Variants in TARM1 observed in about 807,000 individuals in gnomAD.
TARM1 encodes T-cell-interacting, activating receptor on myeloid cells protein 1.
Under a neutral mutation model 30.4 loss-of-function variants are expected in TARM1, and 24 were observed. The ratio of observed to expected loss-of-function variants is 0.79; its 90% confidence interval spans 0.57 to 1.11. TARM1 has a LOEUF of 1.11. Among genes scored for constraint, TARM1 ranks in the 50% least tolerant of loss-of-function variants. The pLI is 0.00. For synonymous variants in TARM1, 129 were observed against 138.9 expected, an observed-to-expected ratio of 0.93 and a Z score of 0.50; for missense variants, 323 against 332.8, an observed-to-expected ratio of 0.97 and a Z score of 0.23.
chr19:54,073,477 GTTGTTT>G (rs2071863773), intron 4 of TARM1, among the ~76,000 whole-genome samples: 2 of 146,776 alleles, frequency 1.4e-5, no homozygotes, highest in Non-Finnish European at 3.0e-5. Flanking sequence ...TTGTTGTTTT[GTTGTTT>G]TTGTTTTTGT....
chr19:54,073,667 AT>A (rs2071868895), intron 4 of TARM1, among the ~76,000 whole-genome samples: 1 of 151,462 alleles, frequency 6.6e-6, no homozygotes, highest in African/African-American at 2.4e-5. Context: ...CTAATTTTTT[AT>A]TTTTAGTAGA....
At chr19:54,074,274 C>T in intron 3 of TARM1, 58 bp from the exon 4 acceptor site, 1 of 1,469,824 alleles carries the variant, frequency 6.8e-7, no homozygotes. Flanking sequence ...CCCCACTCAC[C>T]CCTGTTCTCC....
rs2072078786 is a variant in TARM1, at chr19:54,080,145, AAGCAAGCAAGCAAGCAAGCAAGCAAGC to A, written c.34+1135_34+1161del. Reference sequence around the variant, plus strand: ...GAAGGAAGGAAGGAAGGAAGAAAGCAAGCAAGCAAGCAAGCAAGCAAGCAAGCAAGCAAGCAAGCAAGCAAGCAGGCA... The same window carrying A: ...GAAGGAAGGAAGGAAGGAAGAAAGCAAAGCAAGCAAGCAAGCAAGCAGGCA... On this transcript the variant is annotated intron_variant, in intron 1 of 4. Transcript: ENST00000432826. 1.6e-4 allele frequency among the ~76,000 whole-genome samples: 14 copies of A among 89,560 alleles called. 2 individuals carry two copies. Among genetic ancestry groups the A allele is most frequent in the African/African-American group, 3.8e-4 (10 of 26,552 alleles). 58.8% of individuals were successfully genotyped at this position (89,560 alleles called of 152,430 possible). A position where few individuals can be genotyped will look rare whatever the true frequency, so the allele number is the denominator to read the frequency against.
chr19:54,070,076 C>G lies in TARM1; in HGVS notation c.743G>C (p.Gly248Ala). The G allele has an allele frequency of 1.3e-6, 2 of 1,551,542 alleles. No individual in the cohort carries two copies. The highest frequency in any genetic ancestry group is 1.7e-6 in the Non-Finnish European group (2 of 1,146,980). The change falls in exon 5 of 5, where the codon GGA becomes GCA. Residue 248 changes from glycine (G) to alanine (A), a missense_variant. By Grantham distance (60) the Gly-to-Ala change is moderately conservative. Transcript: ENST00000432826. ...GTACCAGGCCTCCACCAGGAAAGCT[C>G]CCATGATAACCACAATTACGGCAGC... is the stretch of plus-strand genomic sequence containing the variant. Reference protein sequence around the residue: ...GLAAVIVVIMGAFLVEAWYSR... With the variant: ...GLAAVIVVIMAAFLVEAWYSR...
In TARM1 at chr19:54,070,017, A is replaced by G; in HGVS notation, c.802T>C (p.Phe268Leu). Reference sequence around the variant, plus strand: ...TCAAGATGGAGTCACTCTGGTTTGAAGGCCTCTGATTCACCTGGAGACACA... The same window carrying G: ...TCAAGATGGAGTCACTCTGGTTTGAGGGCCTCTGATTCACCTGGAGACACA... ...RNVSPGESEA[F>L]KPE The change falls in exon 5 of 5, where the codon TTC (phenylalanine) becomes CTC (leucine). Residue 268 changes from phenylalanine to leucine, a missense_variant. Coordinates refer to ENST00000432826, the MANE Select transcript of TARM1 (RefSeq NM_001135686.3). The G allele has an allele frequency of 6.4e-7, 1 of 1,551,464 alleles. No individual in the cohort carries two copies. The highest frequency in any genetic ancestry group is 8.7e-7 in the Non-Finnish European group (1 of 1,146,880).
At chr19:54,070,486 C>G (rs1291368984) in intron 4 of TARM1, among the ~76,000 whole-genome samples, 1 of 151,396 alleles carries the variant, frequency 6.6e-6, no homozygotes, top group Admixed American at 6.6e-5. Flanking sequence ...TCTTGAACTC[C>G]CGACCTCAGG....
At chr19:54,079,742 C>T (rs2072049148) in intron 1 of TARM1, among the ~76,000 whole-genome samples, 2 of 152,150 alleles carry the variant, frequency 1.3e-5, no homozygotes, top group Non-Finnish European at 2.9e-5. Flanking sequence ...AATCCCAGCA[C>T]TTTGGGAGGC....
In TARM1 at chr19:54,074,923, T is replaced by C. The variant is rs1313327932; in HGVS notation, c.262A>G (p.Lys88Glu). The C allele has an allele frequency of 6.4e-7, 1 of 1,551,552 alleles. No individual in the cohort carries two copies. Among genetic ancestry groups the C allele is most frequent in the African/African-American group, 1.4e-5 (1 of 73,114 alleles). ...GAAEFHLNNL[K>E]VRNAGEYTCE... The stretch of plus-strand genomic sequence containing the variant: ...GTGTACTCTCCAGCATTTCTGACTT[T>C]TAGATTATTGAGGTGAAATTCGGCC... The change falls in exon 3 of 5, where the codon AAA becomes GAA. Residue 88 changes from lysine (K) to glutamate (E), a missense_variant. Physicochemically the swap from Lys to Glu is moderately conservative, Grantham distance 56. Coordinates refer to ENST00000432826, the MANE Select transcript of TARM1 (RefSeq NM_001135686.3).
At position 54,075,802 on chromosome 19, in the gene TARM1, GA is replaced by G. The variant is rs112452835; in HGVS notation, c.70+80del. 4,791 of 1,464,534 alleles carry G rather than the reference GA, an allele frequency of 3.3e-3. 113 individuals are homozygous for G. In the African/African-American group the frequency reaches 0.056, roughly 17 times the overall value. The allele number at this position is 1,464,534 out of a possible 1,614,324, so 90.7% of individuals were successfully genotyped here. A position where few individuals can be genotyped will look rare whatever the true frequency, so the allele number is the denominator to read the frequency against. On this transcript the variant is annotated intron_variant, in intron 2 of 4. Transcript: ENST00000432826. Reference sequence around the variant, plus strand: ...GTGAGACTCCGTCAAAAAAAAAAGAGAAAAAGAGGGGGAAGGGGAAGAGAAC... The same window carrying G: ...GTGAGACTCCGTCAAAAAAAAAAGAGAAAAGAGGGGGAAGGGGAAGAGAAC...
intron 1 of TARM1, 25 bp from the exon 2 acceptor site, chr19:54,075,943 A>C: frequency 6.4e-7 from 1 of 1,550,900 alleles, no homozygotes; most frequent in Non-Finnish European, 8.7e-7. Flanking sequence ...TCCGTGAGCC[A>C]GAAGCCCCTA....
intron 4 of TARM1, among the ~76,000 whole-genome samples, chr19:54,073,624 G>A (rs1378744150): frequency 6.6e-6 from 1 of 151,620 alleles, no homozygotes; most frequent in Non-Finnish European, 1.5e-5. Context: ...CTCCCAAGTA[G>A]CTGGGTCTAC....
At chr19:54,077,665 A>C (rs2071990135) in intron 1 of TARM1, among the ~76,000 whole-genome samples, 1 of 151,930 alleles carries the variant, frequency 6.6e-6, no homozygotes, top group African/African-American at 2.4e-5. Context: ...AAACAACGTA[A>C]GTGTCCATCC....
intron 1 of TARM1, among the ~76,000 whole-genome samples, chr19:54,080,092 A>AGG (rs1568511431): frequency 1.2e-4 from 7 of 58,510 alleles, no homozygotes; most frequent in African/African-American, 7.3e-4. Flanking sequence ...AAAGAGAAAG[A>AGG]AAGGAAGGAA....
chr19:54,074,845 C>A lies in TARM1; in HGVS notation c.340G>T (p.Val114Phe). The stretch of plus-strand genomic sequence containing the variant: ...GTACCTGTCACCAACAGTAGAAGGA[C>A]GTCACTGTGCTGTGAAAGGATGTGG... ...SPHILSQHSD[V>F]LLLLVTGHLS... The change falls in exon 3 of 5, where the codon GTC (valine) becomes TTC (phenylalanine). Residue 114 changes from valine to phenylalanine, a missense_variant. Val to Phe is a conservative substitution (Grantham distance 50). Transcript: ENST00000432826. 3 of 1,551,530 alleles carry A rather than the reference C, an allele frequency of 1.9e-6. No individual in the cohort carries two copies. The highest frequency in any genetic ancestry group is 1.4e-5 in the African/African-American group (1 of 73,142).
At position 54,080,150 on chromosome 19, in the gene TARM1, A is replaced by G. The variant is rs1271236394; in HGVS notation, c.34+1157T>C. Among the ~76,000 whole-genome samples the G allele has an allele frequency of 8.5e-5, 9 of 105,436 alleles. 4 individuals are homozygous for G. In the East Asian group the frequency reaches 1.0e-3, roughly 12 times the overall value. 69.2% of individuals were successfully genotyped at this position (105,436 alleles called of 152,430 possible). On this transcript the variant is annotated intron_variant, in intron 1 of 4. Coordinates refer to ENST00000432826, the MANE Select transcript of TARM1 (RefSeq NM_001135686.3). ...AAGGAAGGAAGGAAGAAAGCAAGCA[A>G]GCAAGCAAGCAAGCAAGCAAGCAAG... is the stretch of plus-strand genomic sequence containing the variant.
intron 1 of TARM1, among the ~76,000 whole-genome samples, chr19:54,080,468 A>AAAAG (rs1169002012): frequency 0.8 from 87,080 of 108,518 alleles, 37,090 homozygotes; most frequent in East Asian, 0.96. Flanking sequence ...AAAAAAAAAA[A>AAAAG]AAAGAAAGAG....
intron 1 of TARM1, among the ~76,000 whole-genome samples, chr19:54,079,169 C>CAGG (rs2072034527): frequency 6.9e-6 from 1 of 145,650 alleles, no homozygotes; most frequent in Non-Finnish European, 1.5e-5. Flanking sequence ...GAGGGAGAGG[C>CAGG]AGGAGAATCG....
intron 1 of TARM1, among the ~76,000 whole-genome samples, chr19:54,077,212 C>T (rs2071978161): frequency 6.6e-6 from 1 of 151,954 alleles, no homozygotes; most frequent in Admixed American, 6.6e-5. Flanking sequence ...GAAACCCCGT[C>T]TCTACTAAAA....
At chr19:54,078,178 C>CTTTTTTTTTTTTTT (rs869101071) in intron 1 of TARM1, among the ~76,000 whole-genome samples, 1 of 67,804 alleles carries the variant, frequency 1.5e-5, no homozygotes, top group Admixed American at 2.2e-4. Context: ...TTCTTTCTTT[C>CTTTTTTTTTTTTTT]TTTTTTTTTT....
Sources: gnomAD v4.1 joint callset for allele counts (sites outside exome capture counted in the v4.1 genomes callset) on GRCh38, gnomAD v4.1.1 for gene constraint, MANE v1.5 for transcripts, NCBI Gene and HGNC (gene_info 2026-07-23, HGNC 2026-07-21) for gene names.